The following CNTN4 variants were observed in gnomAD, a reference collection of about 807,000 sequenced individuals.
CNTN4 encodes the protein contactin-4.
CNTN4 carries 77 observed loss-of-function variants against 122.5 expected under a neutral mutation model. The observed-to-expected ratio is 0.63, with a 90% CI of 0.52 to 0.76. CNTN4 has a LOEUF of 0.76. CNTN4 is among the 30% of genes least tolerant of loss of function. The pLI, the probability that CNTN4 is intolerant of heterozygous loss-of-function variation, is 0.00. For missense variants in CNTN4, 1,256 were observed against 1,259.1 expected, an observed-to-expected ratio of 1.00 and a Z score of 0.04; for synonymous variants, 512 against 447.0, an observed-to-expected ratio of 1.15 and a Z score of -1.83.
At chr3:3,001,770 A>G (rs182551011) in intron 14 of CNTN4, among the ~76,000 whole-genome samples, 9 of 152,334 alleles carry the variant, frequency 5.9e-5, no homozygotes, top group Admixed American at 4.6e-4. Context: ...CAAATTGACC[A>G]TGATGGGGAT....
intron 7 of CNTN4, among the ~76,000 whole-genome samples, chr3:2,824,277 C>T (rs2092939096): frequency 6.6e-6 from 1 of 151,714 alleles, no homozygotes; most frequent in Non-Finnish European, 1.5e-5. Context: ...GCCTGGCCAA[C>T]ATAGAGAAAC....
At chr3:2,755,565 C>G (rs2090298070) in intron 6 of CNTN4, among the ~76,000 whole-genome samples, 1 of 152,090 alleles carries the variant, frequency 6.6e-6, no homozygotes, top group Non-Finnish European at 1.5e-5. Flanking sequence ...TAATGGGTGT[C>G]TATTGAAAAT....
At chr3:2,786,139 A>T (rs1027558958) in intron 6 of CNTN4, among the ~76,000 whole-genome samples, 1 of 151,800 alleles carries the variant, frequency 6.6e-6, no homozygotes, top group African/African-American at 2.4e-5. Flanking sequence ...TCCTGCTGGG[A>T]GCCACTTTCA....
At position 2,120,393 on chromosome 3, in the gene CNTN4, A is replaced by C. The variant is rs1431269682; in HGVS notation, c.-145+19754A>C. ...TATATAAATATATATATATATATAT[A>C]TATATATATATATTTTTTTTTTTTT... On this transcript the variant is annotated intron_variant, in intron 2 of 24. Coordinates refer to ENST00000418658, the MANE Select transcript of CNTN4 (RefSeq NM_175607.3). 7.1e-4 allele frequency among the ~76,000 whole-genome samples: 21 copies of C among 29,504 alleles called. 3 individuals carry two copies. Among genetic ancestry groups the C allele is most frequent in the Non-Finnish European group, 1.1e-3 (14 of 12,770 alleles). The allele number at this position is 29,504 out of a possible 152,430, so 19.4% of individuals were successfully genotyped here. A position where few individuals can be genotyped will look rare whatever the true frequency, so the allele number is the denominator to read the frequency against.
chr3:2,336,563 C>A (rs2043963645), intron 2 of CNTN4, among the ~76,000 whole-genome samples: 1 of 152,122 alleles, frequency 6.6e-6, no homozygotes, highest in African/African-American at 2.4e-5. Context: ...CTTCAGTGGG[C>A]TTATGATTTC....
intron 6 of CNTN4, among the ~76,000 whole-genome samples, chr3:2,775,821 T>C (rs2091293167): frequency 6.6e-6 from 1 of 152,204 alleles, no homozygotes; most frequent in Admixed American, 6.5e-5. Flanking sequence ...AGCTATTGTC[T>C]GTCTTCTTCA....
chr3:2,244,608 C>T (rs1204942465), intron 2 of CNTN4, among the ~76,000 whole-genome samples: 1 of 152,028 alleles, frequency 6.6e-6, no homozygotes, highest in Non-Finnish European at 1.5e-5. Context: ...ATCCCTATCT[C>T]TTTACTTTTT....
chr3:2,849,196 A>T (rs1198641220), intron 7 of CNTN4, among the ~76,000 whole-genome samples: 1 of 152,206 alleles, frequency 6.6e-6, no homozygotes, highest in Non-Finnish European at 1.5e-5. Flanking sequence ...AATATATCCC[A>T]CTATGTCCCT....
chr3:2,269,258 A>G (rs923091844), intron 2 of CNTN4, among the ~76,000 whole-genome samples: 1 of 152,168 alleles, frequency 6.6e-6, no homozygotes, highest in Non-Finnish European at 1.5e-5. Flanking sequence ...AATTCACTAC[A>G]TTAAATTTAA....
At chr3:2,205,065 TTTTTC>T (rs1456164935) in intron 2 of CNTN4, among the ~76,000 whole-genome samples, 7 of 151,978 alleles carry the variant, frequency 4.6e-5, no homozygotes, top group Admixed American at 3.3e-4. Flanking sequence ...TGAATTATCT[TTTTTC>T]TTTTTGGTGA....
intron 3 of CNTN4, among the ~76,000 whole-genome samples, chr3:2,482,263 T>C (rs1352836249): frequency 1.3e-5 from 2 of 152,136 alleles, no homozygotes; most frequent in Non-Finnish European, 2.9e-5. Flanking sequence ...TTGCTATGAT[T>C]TAGCAAAGAG....
At chr3:2,757,547 A>G (rs2090394342) in intron 6 of CNTN4, among the ~76,000 whole-genome samples, 2 of 152,258 alleles carry the variant, frequency 1.3e-5, no homozygotes, top group Middle Eastern at 3.4e-3. Flanking sequence ...CGTTGATGTT[A>G]TGACATTTCT....
intron 3 of CNTN4, among the ~76,000 whole-genome samples, chr3:2,482,533 C>T (rs1198283839): frequency 1.3e-5 from 2 of 152,186 alleles, no homozygotes; most frequent in Non-Finnish European, 2.9e-5. Context: ...GGGAAACTGT[C>T]CCCAGGGTAT....
intron 13 of CNTN4, among the ~76,000 whole-genome samples, chr3:2,984,936 A>T (rs1487317230): frequency 1.3e-5 from 2 of 152,174 alleles, no homozygotes; most frequent in Non-Finnish European, 2.9e-5. Flanking sequence ...CTTTAAAGCT[A>T]TTTTTGTTAT....
intron 10 of CNTN4, among the ~76,000 whole-genome samples, chr3:2,896,933 T>TG (rs1298757671): frequency 6.2e-5 from 7 of 113,364 alleles, no homozygotes; most frequent in African/African-American, 2.5e-4. Context: ...TTTAGAGGGT[T>TG]TTTTTTTTTT....
intron 14 of CNTN4, among the ~76,000 whole-genome samples, chr3:3,015,811 C>A (rs1697705373): frequency 6.6e-6 from 1 of 152,184 alleles, no homozygotes; most frequent in African/African-American, 2.4e-5. Context: ...GTGTACATTT[C>A]CTTTCTTTTA....
Position 2,917,066 on chromosome 3 carries a change from G to A in CNTN4, c.1208-8563G>A, listed in dbSNP as rs979387385. ...TGCCATCCCGGCACCTCGGGAGGCC[G>A]AGGCTGGCGGATCACTCGCGGTTAG... is the stretch of plus-strand genomic sequence containing the variant. On this transcript the variant is annotated intron_variant, in intron 12 of 24. Transcript: ENST00000418658. 1.0e-4 allele frequency among the ~76,000 whole-genome samples: 13 copies of A among 127,364 alleles called. 1 individual carries two copies. Among genetic ancestry groups the A allele is most frequent in the African/African-American group, 1.8e-4 (6 of 33,780 alleles). The allele number at this position is 127,364 out of a possible 152,430, so 83.6% of individuals were successfully genotyped here. A position where few individuals can be genotyped will look rare whatever the true frequency, so the allele number is the denominator to read the frequency against.
intron 2 of CNTN4, among the ~76,000 whole-genome samples, chr3:2,210,114 A>G (rs1243286721): frequency 3.3e-5 from 5 of 152,060 alleles, no homozygotes; most frequent in African/African-American, 7.2e-5. Context: ...TGTCTATCCA[A>G]TGTTGTTCAC....
chr3:3,018,951 T>G (rs1460467209), intron 14 of CNTN4, among the ~76,000 whole-genome samples: 2 of 152,088 alleles, frequency 1.3e-5, no homozygotes, highest in Non-Finnish European at 2.9e-5. Context: ...GAGCCCAACT[T>G]AAAAGGACTC....
Sources: allele counts gnomAD v4.1 joint callset (sites outside exome capture counted in the v4.1 genomes callset), GRCh38; gene constraint gnomAD v4.1.1; transcripts MANE v1.5; gene names NCBI Gene and HGNC (gene_info 2026-07-23, HGNC 2026-07-21).